Variants in SLAMF1 observed in about 807,000 individuals in gnomAD.
The protein encoded by SLAMF1 is signaling lymphocytic activation molecule.
SLAMF1 carries 18 observed loss-of-function variants against 35.1 expected under a neutral mutation model. That is an observed-to-expected ratio of 0.51 (90% CI 0.35 to 0.76). SLAMF1 has a LOEUF of 0.76. SLAMF1 is among the 30% of genes least tolerant of loss of function. SLAMF1 has a pLI of 0.01. For synonymous variants in SLAMF1, 168 were observed against 157.2 expected (o/e 1.07, Z -0.51); for missense variants, 392 against 413.0 (o/e 0.95, Z 0.44).
intron 3 of SLAMF1, among the ~76,000 whole-genome samples, chr1:160,629,662 C>G (rs1032281138): frequency 6.6e-6 from 1 of 152,198 alleles, no homozygotes; most frequent in South Asian, 2.1e-4. Context: ...ACCTGCCTAT[C>G]CCACCCAGCA....
chr1:160,625,408 C>T (rs958489982), intron 3 of SLAMF1, among the ~76,000 whole-genome samples: 2 of 152,116 alleles, frequency 1.3e-5, no homozygotes, highest in Non-Finnish European at 2.9e-5. Flanking sequence ...ATGGTGGACA[C>T]AATCAGATGT....
At chr1:160,615,115 A>T (rs967998974) in intron 5 of SLAMF1, among the ~76,000 whole-genome samples, 9 of 152,150 alleles carry the variant, frequency 5.9e-5, no homozygotes, top group African/African-American at 2.2e-4. Flanking sequence ...AGGCATTGTT[A>T]GTTTTTAAAT....
At chr1:160,619,979 C>T (rs1659519438) in intron 4 of SLAMF1, 130 bp from the exon 5 acceptor site, 2 of 704,066 alleles carry the variant, frequency 2.8e-6, no homozygotes, top group East Asian at 2.5e-5. Context: ...AGCCCTGAGT[C>T]CCAGCCCCCC....
intron 6 of SLAMF1, among the ~76,000 whole-genome samples, chr1:160,611,742 C>T (rs957248683): frequency 6.6e-6 from 1 of 151,986 alleles, no homozygotes; most frequent in Non-Finnish European, 1.5e-5. Context: ...ACCCCATATT[C>T]TCTTCTAGGC....
chr1:160,626,957 G>A (rs2102310119), intron 3 of SLAMF1, among the ~76,000 whole-genome samples: 1 of 152,228 alleles, frequency 6.6e-6, no homozygotes, highest in Admixed American at 6.5e-5. Flanking sequence ...GACCATCCCA[G>A]CTCTTGTTCT....
chr1:160,644,385 T>C (rs1002396828), intron 1 of SLAMF1, among the ~76,000 whole-genome samples: 12 of 152,210 alleles, frequency 7.9e-5, no homozygotes, highest in African/African-American at 2.9e-4. Context: ...GTTGTAATGG[T>C]ACCAATAATA....
chr1:160,633,665 A>C (rs888194076), intron 3 of SLAMF1, among the ~76,000 whole-genome samples: 1 of 152,238 alleles, frequency 6.6e-6, no homozygotes. Context: ...TGCCTGAGGC[A>C]GGGACACAAG....
rs1658867485 is a variant in SLAMF1, at chr1:160,609,511, T to C, written c.*1237A>G. ...TGAGCTGGGAAGTTGGTGCTCCTTA[T>C]TATGCAATGGTATGATAGTGGCTGT... On this transcript the variant is annotated 3_prime_UTR_variant, in exon 7 of 7. Coordinates refer to ENST00000302035, the MANE Select transcript of SLAMF1 (RefSeq NM_003037.5). The C allele has an allele frequency of 6.6e-6, 1 of 152,184 alleles. No individual in the cohort carries two copies. Among genetic ancestry groups the C allele is most frequent in the Non-Finnish European group, 1.5e-5 (1 of 68,038 alleles). 9.4% of individuals were successfully genotyped at this position (152,184 alleles called of 1,614,324 possible).
At chr1:160,617,294 A>G (rs762814868) in intron 5 of SLAMF1, among the ~76,000 whole-genome samples, 7 of 152,188 alleles carry the variant, frequency 4.6e-5, no homozygotes, top group Non-Finnish European at 1.0e-4. Flanking sequence ...TCTACGATTC[A>G]GCAGTTCTAC....
chr1:160,637,856 C>A (rs532298103), intron 1 of SLAMF1, among the ~76,000 whole-genome samples: 76 of 152,156 alleles, frequency 5.0e-4, no homozygotes, highest in Non-Finnish European at 8.5e-4. Flanking sequence ...TAGTAAGTGG[C>A]AGAGTCAGGA....
At chr1:160,646,077 T>A (rs1004231845) in intron 1 of SLAMF1, among the ~76,000 whole-genome samples, 1 of 152,122 alleles carries the variant, frequency 6.6e-6, no homozygotes, top group Non-Finnish European at 1.5e-5. Flanking sequence ...AAATACCTTT[T>A]CTCATAGCCC....
At chr1:160,636,245 G>A (rs570589276) in intron 2 of SLAMF1, among the ~76,000 whole-genome samples, 6 of 152,308 alleles carry the variant, frequency 3.9e-5, no homozygotes, top group African/African-American at 1.4e-4. Context: ...TGACTCTCAG[G>A]TACCTGGGGG....
intron 1 of SLAMF1, 31 bp downstream of exon 1, chr1:160,646,839 G>C: frequency 7.8e-7 from 1 of 1,276,296 alleles, no homozygotes; most frequent in Admixed American, 1.7e-5. Context: ...GCTAACATGG[G>C]ACTCAAACCA....
At chr1:160,614,644 A>G (rs1659195756) in intron 5 of SLAMF1, among the ~76,000 whole-genome samples, 1 of 151,914 alleles carries the variant, frequency 6.6e-6, no homozygotes. Context: ...CCTGTTTGGG[A>G]GAACTTTAGC....
chr1:160,641,387 G>A (rs1251155602), intron 1 of SLAMF1, among the ~76,000 whole-genome samples: 1 of 152,006 alleles, frequency 6.6e-6, no homozygotes, highest in African/African-American at 2.4e-5. Flanking sequence ...CACTCTTTGC[G>A]CCATGGTTGC....
intron 2 of SLAMF1, among the ~76,000 whole-genome samples, chr1:160,635,321 G>C (rs1311486041): frequency 6.6e-6 from 1 of 152,184 alleles, no homozygotes; most frequent in African/African-American, 2.4e-5. Flanking sequence ...ATGTGTGTGG[G>C]AGGGTGTGTG....
At chr1:160,628,828 T>C (rs1169855227) in intron 3 of SLAMF1, among the ~76,000 whole-genome samples, 2 of 152,230 alleles carry the variant, frequency 1.3e-5, no homozygotes, top group African/African-American at 2.4e-5. Flanking sequence ...GCTTATACTT[T>C]ACAATAACAA....
chr1:160,618,807 A>G (rs899257974), intron 5 of SLAMF1, among the ~76,000 whole-genome samples: 3 of 152,176 alleles, frequency 2.0e-5, no homozygotes, highest in African/African-American at 4.8e-5. Flanking sequence ...ACTATGGTCA[A>G]GGTGAACCTG....
chr1:160,625,449 T>C (rs1162335784), intron 3 of SLAMF1, among the ~76,000 whole-genome samples: 1 of 152,124 alleles, frequency 6.6e-6, no homozygotes, highest in Admixed American at 6.5e-5. Context: ...ACAGACAGTC[T>C]CAATGAATTC....
Sources: allele counts gnomAD v4.1 joint callset (sites outside exome capture counted in the v4.1 genomes callset), GRCh38; gene constraint gnomAD v4.1.1; transcripts MANE v1.5; gene names NCBI Gene and HGNC (gene_info 2026-07-23, HGNC 2026-07-21).